Variants in GALNTL6 observed in about 807,000 individuals in gnomAD.
GALNTL6 encodes polypeptide N-acetylgalactosaminyltransferase like 6.
GALNTL6 carries 46 observed loss-of-function variants against 73.7 expected under a neutral mutation model. The ratio of observed to expected loss-of-function variants is 0.62; its 90% confidence interval spans 0.49 to 0.80. The LOEUF (loss-of-function observed/expected upper bound fraction) is 0.80. Ranked by LOEUF, GALNTL6 falls within the 30% of genes least tolerant of loss-of-function variation. The pLI is 0.00. For synonymous variants in GALNTL6, 259 were observed against 263.7 expected (o/e 0.98, Z 0.17); for missense variants, 604 against 755.0 (o/e 0.80, Z 2.34).
intron 5 of GALNTL6, among the ~76,000 whole-genome samples, chr4:172,487,356 T>TTCCTTCTC (rs1733729482): frequency 7.2e-6 from 1 of 139,104 alleles, no homozygotes. Context: ...CTTTCTTTCT[T>TTCCTTCTC]TCCTTCTTTC....
intron 2 of GALNTL6, among the ~76,000 whole-genome samples, chr4:171,960,550 G>T (rs1739191125): frequency 6.6e-6 from 1 of 151,974 alleles, no homozygotes; most frequent in African/African-American, 2.4e-5. Context: ...AAAGTGCTAG[G>T]ATTACAGGTG....
intron 5 of GALNTL6, among the ~76,000 whole-genome samples, chr4:172,740,930 C>T (rs144232330): frequency 5.4e-4 from 82 of 152,226 alleles, no homozygotes; most frequent in African/African-American, 1.8e-3. Context: ...CAGAAACACA[C>T]ATGAAATAAG....
chr4:172,802,204 C>A (rs1740688783), intron 5 of GALNTL6, among the ~76,000 whole-genome samples: 1 of 152,100 alleles, frequency 6.6e-6, no homozygotes, highest in Admixed American at 6.6e-5. Flanking sequence ...AGCAGCTGAA[C>A]AGGCAGGCCT....
chr4:172,984,970 C>T (rs1285040486), intron 10 of GALNTL6, among the ~76,000 whole-genome samples: 1 of 151,920 alleles, frequency 6.6e-6, no homozygotes, highest in Non-Finnish European at 1.5e-5. Context: ...AGAACCTGTA[C>T]CCCCCAAAAA....
chr4:172,162,336 C>T (rs578051424), intron 2 of GALNTL6, among the ~76,000 whole-genome samples: 6 of 151,762 alleles, frequency 4.0e-5, no homozygotes, highest in African/African-American at 1.4e-4. Context: ...GTGAAATTAG[C>T]AGTAATGGGA....
At chr4:172,706,146 T>C (rs1734339950) in intron 5 of GALNTL6, among the ~76,000 whole-genome samples, 1 of 152,022 alleles carries the variant, frequency 6.6e-6, no homozygotes, top group Non-Finnish European at 1.5e-5. Flanking sequence ...TTTGTAAGCA[T>C]TCTTTTTGTT....
At chr4:172,023,275 ATT>A (rs1240439190) in intron 2 of GALNTL6, among the ~76,000 whole-genome samples, 5 of 151,484 alleles carry the variant, frequency 3.3e-5, no homozygotes, top group African/African-American at 2.4e-5. Context: ...ATATATATAT[ATT>A]TGTCAAATAA....
chr4:172,184,844 A>T (rs1171909558), intron 2 of GALNTL6, among the ~76,000 whole-genome samples: 2 of 152,148 alleles, frequency 1.3e-5, no homozygotes, highest in African/African-American at 4.8e-5. Context: ...TGAGAGAGAG[A>T]GTGTGTTTTA....
intron 5 of GALNTL6, among the ~76,000 whole-genome samples, chr4:172,416,379 G>C (rs1038946875): frequency 6.6e-6 from 1 of 152,086 alleles, no homozygotes; most frequent in African/African-American, 2.4e-5. Context: ...GTGTCTCCTT[G>C]TCATATGTGA....
rs564026681 is a variant in GALNTL6, at chr4:172,373,925, A to G, written c.553+25236A>G. On this transcript the variant is annotated intron_variant, in intron 5 of 12. Transcript: ENST00000506823. ...CGCGCCAGTGTCCAGGAGGAAGTCA[A>G]TTTCCTGACCCTAAGTGGTTAAACA... Among the ~76,000 whole-genome samples, 274 of 152,250 alleles carry G rather than the reference A, an allele frequency of 1.8e-3. 3 individuals are homozygous for G. In the Middle Eastern group the frequency reaches 0.044, roughly 25 times the overall value.
intron 11 of GALNTL6, among the ~76,000 whole-genome samples, chr4:173,012,999 G>T (rs571851782): frequency 6.6e-6 from 1 of 152,142 alleles, no homozygotes; most frequent in African/African-American, 2.4e-5. Context: ...TCAGCCAGGC[G>T]TGGTGGCTGA....
intron 2 of GALNTL6, among the ~76,000 whole-genome samples, chr4:171,950,135 A>G (rs1338940603): frequency 6.6e-6 from 1 of 152,220 alleles, no homozygotes; most frequent in African/African-American, 2.4e-5. Context: ...AGAATCTAGA[A>G]TTGATTGGAA....
At chr4:171,956,130 G>A (rs928480312) in intron 2 of GALNTL6, among the ~76,000 whole-genome samples, 1 of 113,442 alleles carries the variant, frequency 8.8e-6, no homozygotes, top group African/African-American at 3.5e-5. Context: ...AGTCTCCAGA[G>A]TAGCGGGACT....
chr4:172,654,734 C>A (rs1730890580), intron 5 of GALNTL6, among the ~76,000 whole-genome samples: 1 of 152,168 alleles, frequency 6.6e-6, no homozygotes, highest in South Asian at 2.1e-4. Context: ...CAAGCAAACC[C>A]TTCAATCATG....
At chr4:172,941,467 C>T (rs749175079) in intron 9 of GALNTL6, among the ~76,000 whole-genome samples, 26 of 152,208 alleles carry the variant, frequency 1.7e-4, no homozygotes, top group Non-Finnish European at 2.9e-4. Flanking sequence ...TATTCACTCT[C>T]CTACCTGGAG....
intron 5 of GALNTL6, among the ~76,000 whole-genome samples, chr4:172,772,069 G>T (rs1200593633): frequency 1.5e-5 from 2 of 137,374 alleles, no homozygotes; most frequent in Non-Finnish European, 3.2e-5. Context: ...CAGCAGACAA[G>T]CAAAGAGAGG....
intron 5 of GALNTL6, among the ~76,000 whole-genome samples, chr4:172,369,693 C>A (rs1304283012): frequency 3.3e-5 from 5 of 152,208 alleles, no homozygotes; most frequent in South Asian, 2.1e-4. Context: ...CTGGTGCACC[C>A]TCTGCAGATG....
At chr4:172,341,767 A>G (rs1485030226) in intron 4 of GALNTL6, among the ~76,000 whole-genome samples, 3 of 152,132 alleles carry the variant, frequency 2.0e-5, no homozygotes, top group Non-Finnish European at 4.4e-5. Flanking sequence ...AGCTTCCCCA[A>G]CCATACGGAA....
intron 3 of GALNTL6, among the ~76,000 whole-genome samples, chr4:172,295,529 AGGTT>A (rs1739638941): frequency 3.9e-5 from 3 of 77,210 alleles, no homozygotes; most frequent in East Asian, 5.5e-4. Context: ...TTCTTTTTTT[AGGTT>A]TTTTTTTTTT....
Sources: gnomAD v4.1 joint callset for allele counts (sites outside exome capture counted in the v4.1 genomes callset) on GRCh38, gnomAD v4.1.1 for gene constraint, MANE v1.5 for transcripts, NCBI Gene and HGNC (gene_info 2026-07-23, HGNC 2026-07-21) for gene names.